GTF2IRD1: variants seen among roughly 807,000 people sequenced by gnomAD.
The protein encoded by GTF2IRD1 is GTF2I repeat domain containing 1, also known as general transcription factor II-I repeat domain-containing protein 1.
GTF2IRD1 carries 26 observed loss-of-function variants against 113.2 expected under a neutral mutation model. The ratio of observed to expected loss-of-function variants is 0.23; its 90% CI spans 0.17 to 0.32. The LOEUF (loss-of-function observed/expected upper bound fraction) is 0.32, where lower values mean the gene tolerates loss of function less well. GTF2IRD1 is among the 10% of genes least tolerant of loss of function. GTF2IRD1 has a pLI of 1.00. For synonymous variants in GTF2IRD1, 484 were observed against 529.1 expected, an observed-to-expected ratio of 0.91 and a Z score of 1.17; for missense variants, 864 against 1,280.8, an observed-to-expected ratio of 0.67 and a Z score of 4.97.
chr7:74,492,161 T>C (rs1164634321), intron 1 of GTF2IRD1, among the ~76,000 whole-genome samples: 5 of 149,944 alleles, frequency 3.3e-5, no homozygotes, highest in African/African-American at 1.2e-4. Context: ...ACACTACCAT[T>C]CCCGGCTAAT....
intron 22 of GTF2IRD1, among the ~76,000 whole-genome samples, chr7:74,566,006 AAC>A (rs66556824): frequency 2.1e-3 from 299 of 142,814 alleles, no homozygotes; most frequent in Admixed American, 3.5e-3. Flanking sequence ...AAGACACACA[AAC>A]ACACACACAC....
chr7:74,598,095 T>G lies in GTF2IRD1; in HGVS notation c.2630-2949T>G, dbSNP rs1350421277. Among the ~76,000 whole-genome samples, 3 of 152,228 alleles carry G rather than the reference T, an allele frequency of 2.0e-5. No homozygotes were observed. In the East Asian group the frequency reaches 5.8e-4, roughly 29 times the overall value. Reference sequence around the variant, plus strand: ...AAAATTAGCCAGGCGTGGTGGCGCGTACCTGTTGTCCCAGATAGTCAAGAG... The same window carrying G: ...AAAATTAGCCAGGCGTGGTGGCGCGGACCTGTTGTCCCAGATAGTCAAGAG... On this transcript the variant is annotated intron_variant, in intron 25 of 26. Coordinates refer to ENST00000424337, the MANE Select transcript of GTF2IRD1 (RefSeq NM_005685.4).
chr7:74,496,579 CATGTGTGTGGGT>C (rs1795736817), intron 1 of GTF2IRD1, among the ~76,000 whole-genome samples: 1 of 104,788 alleles, frequency 9.5e-6, no homozygotes, highest in African/African-American at 3.8e-5. Flanking sequence ...TGTGGGTGTG[CATGTGTGTGGGT>C]GGGTGTGGGT....
At chr7:74,538,930 G>A (rs1182497113) in intron 13 of GTF2IRD1, among the ~76,000 whole-genome samples, 170 bp downstream of exon 13, 7 of 152,182 alleles carry the variant, frequency 4.6e-5, no homozygotes, top group African/African-American at 9.7e-5. Flanking sequence ...TGTCCCCTGC[G>A]TTGTGAATCA....
chr7:74,458,949 A>C (rs1170498855), intron 1 of GTF2IRD1, among the ~76,000 whole-genome samples: 2 of 151,640 alleles, frequency 1.3e-5, no homozygotes, highest in African/African-American at 4.8e-5. Context: ...GTGAGCCCCC[A>C]GGCCCGGCCT....
At position 74,539,954 on chromosome 7, in the gene GTF2IRD1, T is replaced by C; in HGVS notation, c.1604T>C (p.Met535Thr). 1 of 1,611,974 alleles carries C rather than the reference T, an allele frequency of 6.2e-7. No individual in the cohort carries two copies. Among genetic ancestry groups the C allele is most frequent in the Non-Finnish European group, 8.5e-7 (1 of 1,178,368 alleles). Reference protein sequence around the residue: ...HLPSEDSGYGMEMLTDKGLSE... With the variant: ...HLPSEDSGYGTEMLTDKGLSE... Reference sequence around the variant, plus strand: ...CCATCGGAGGATTCTGGTTATGGGATGGAGATGCTGACAGGTAAGAAATGG... The same window carrying C: ...CCATCGGAGGATTCTGGTTATGGGACGGAGATGCTGACAGGTAAGAAATGG... The change falls in exon 14 of 27, where the codon ATG becomes ACG. Residue 535 changes from methionine to threonine, a missense_variant. Met to Thr is a moderately conservative substitution (Grantham distance 81, BLOSUM62 -1). Around this residue, in one of 7 missense-constraint regions of GTF2IRD1, gnomAD observed 218 missense variants for 352.6 expected, o/e 0.62. Coordinates refer to ENST00000424337, the MANE Select transcript of GTF2IRD1 (RefSeq NM_005685.4).
At chr7:74,579,705 A>C (rs1201275062) in intron 22 of GTF2IRD1, among the ~76,000 whole-genome samples, 1 of 152,034 alleles carries the variant, frequency 6.6e-6, no homozygotes, top group Non-Finnish European at 1.5e-5. Context: ...GCTAGAGTCC[A>C]GTAGCTGGGA....
chr7:74,518,898 A>T (rs587624766), intron 5 of GTF2IRD1, among the ~76,000 whole-genome samples: 18 of 152,188 alleles, frequency 1.2e-4, no homozygotes, highest in East Asian at 5.8e-4. Context: ...TTAAAAAAAA[A>T]ATATGGCATT....
intron 3 of GTF2IRD1, among the ~76,000 whole-genome samples, chr7:74,514,541 G>A (rs928054340): frequency 6.6e-6 from 1 of 152,162 alleles, no homozygotes; most frequent in Non-Finnish European, 1.5e-5. Context: ...CTGGGAGGGG[G>A]CCGCAGGCCC....
At chr7:74,536,606 G>A (rs1413544816) in intron 11 of GTF2IRD1, among the ~76,000 whole-genome samples, 4 of 151,970 alleles carry the variant, frequency 2.6e-5, no homozygotes, top group Admixed American at 1.3e-4. Flanking sequence ...TCAGGAGTTC[G>A]AGACCAGCCT....
chr7:74,485,794 C>T (rs1017761381), intron 1 of GTF2IRD1, among the ~76,000 whole-genome samples: 6 of 151,852 alleles, frequency 4.0e-5, no homozygotes, highest in African/African-American at 9.7e-5. Flanking sequence ...GGTATGGTGG[C>T]GCAATCATGT....
Position 74,529,714 on chromosome 7 carries a change from C to T in GTF2IRD1, c.1091-20C>T. Reference sequence around the variant, plus strand: ...GCAGCCTGTCTAACACTCAGCCTTGCTGTTTGGTTGTCTTTCCAGCGGAAG... The same window carrying T: ...GCAGCCTGTCTAACACTCAGCCTTGTTGTTTGGTTGTCTTTCCAGCGGAAG... On this transcript the variant is annotated intron_variant, in intron 8 of 26. Coordinates refer to ENST00000424337, the MANE Select transcript of GTF2IRD1 (RefSeq NM_005685.4). The T allele has an allele frequency of 1.2e-6, 2 of 1,612,412 alleles. No homozygotes were observed. Among genetic ancestry groups the T allele is most frequent in the Non-Finnish European group, 8.5e-7 (1 of 1,178,850 alleles).
At chr7:74,534,146 C>T (rs1554349627) in intron 9 of GTF2IRD1, among the ~76,000 whole-genome samples, 1 of 152,160 alleles carries the variant, frequency 6.6e-6, no homozygotes. Context: ...TGGGCAAAAG[C>T]CCTCAGGATA....
intron 20 of GTF2IRD1, among the ~76,000 whole-genome samples, chr7:74,558,343 G>GTTT (rs1562868915): frequency 1.4e-5 from 1 of 73,984 alleles, no homozygotes; most frequent in African/African-American, 5.1e-5. Flanking sequence ...TTTTTCTTTC[G>GTTT]TTTCTTTTTT....
chr7:74,477,364 A>AG (rs1445263385), intron 1 of GTF2IRD1, among the ~76,000 whole-genome samples: 1 of 21,954 alleles, frequency 4.6e-5, no homozygotes, highest in Non-Finnish European at 1.4e-4. Flanking sequence ...TTTTGTGTCC[A>AG]AAAAAAAAAG....
chr7:74,570,610 C>T (rs1554362377), intron 22 of GTF2IRD1, among the ~76,000 whole-genome samples: 2 of 152,174 alleles, frequency 1.3e-5, no homozygotes, highest in Non-Finnish European at 2.9e-5. Flanking sequence ...GCTGTGATCA[C>T]ACCACTGCAC....
At chr7:74,470,867 G>A (rs1794043186) in intron 1 of GTF2IRD1, among the ~76,000 whole-genome samples, 1 of 152,192 alleles carries the variant, frequency 6.6e-6, no homozygotes, top group South Asian at 2.1e-4. Flanking sequence ...GCAATGGCGT[G>A]ATCTCGGCTC....
chr7:74,518,343 G>T, intron 5 of GTF2IRD1, 21 bp downstream of exon 5: 1 of 1,557,952 alleles, frequency 6.4e-7, no homozygotes, highest in East Asian at 2.3e-5. Context: ...TAGCCGGCCC[G>T]GGGCTGGGCT....
At chr7:74,572,216 A>C (rs978819389) in intron 22 of GTF2IRD1, among the ~76,000 whole-genome samples, 23 of 152,132 alleles carry the variant, frequency 1.5e-4, no homozygotes, top group Non-Finnish European at 2.6e-4. Context: ...TGGGGTGGAC[A>C]TGGGGAGGGA....
Sources: gnomAD v4.1 joint callset for allele counts (sites outside exome capture counted in the v4.1 genomes callset) on GRCh38, gnomAD v4.1.1 for gene constraint, gnomAD v4.1.1 regional missense constraint, MANE v1.5 for transcripts, NCBI Gene and HGNC (gene_info 2026-07-23, HGNC 2026-07-21) for gene names.